Variants in TTLL11 observed in about 807,000 individuals in gnomAD.
The protein encoded by TTLL11 is tubulin polyglutamylase TTLL11.
TTLL11 carries 42 observed loss-of-function variants against 51.7 expected under a neutral mutation model. The ratio of observed to expected loss-of-function variants is 0.81; its 90% CI spans 0.64 to 1.05. The LOEUF is 1.05. TTLL11 is among the 50% of genes least tolerant of loss of function. TTLL11 has a pLI of 0.00. For synonymous variants in TTLL11, 381 were observed against 383.5 expected, an observed-to-expected ratio of 0.99 and a Z score of 0.08; for missense variants, 799 against 940.4, an observed-to-expected ratio of 0.85 and a Z score of 1.97.
At chr9:121,902,346 G>C (rs1839807022) in intron 6 of TTLL11, among the ~76,000 whole-genome samples, 1 of 152,210 alleles carries the variant, frequency 6.6e-6, no homozygotes, top group Non-Finnish European at 1.5e-5. Flanking sequence ...GCACAGGTGT[G>C]CCATGATGGA....
chr9:121,827,517 GAACGCAAAATCA>G (rs1183106881), intron 8 of TTLL11, among the ~76,000 whole-genome samples: 1 of 152,096 alleles, frequency 6.6e-6, no homozygotes, highest in Non-Finnish European at 1.5e-5. Flanking sequence ...AAAAGAAACT[GAACGCAAAATCA>G]AACCAATCAC....
At chr9:121,929,696 A>T (rs1840895689) in intron 6 of TTLL11, among the ~76,000 whole-genome samples, 1 of 152,258 alleles carries the variant, frequency 6.6e-6, no homozygotes, top group African/African-American at 2.4e-5. Flanking sequence ...CCTTAAGGAC[A>T]AAAAGTTGTT....
chr9:122,007,423 C>T (rs1279827019), intron 3 of TTLL11, among the ~76,000 whole-genome samples: 1 of 143,456 alleles, frequency 7.0e-6, no homozygotes, highest in Non-Finnish European at 1.5e-5. Context: ...TGCAGTGAGC[C>T]AAGATCACGC....
At chr9:121,964,682 T>TGCACC (rs1842348375) in intron 6 of TTLL11, among the ~76,000 whole-genome samples, 1 of 152,152 alleles carries the variant, frequency 6.6e-6, no homozygotes, top group African/African-American at 2.4e-5. Flanking sequence ...ATACACTCCA[T>TGCACC]GCACCCATCC....
chr9:122,083,532 C>T (rs187641809), intron 1 of TTLL11, among the ~76,000 whole-genome samples: 2 of 152,166 alleles, frequency 1.3e-5, no homozygotes, highest in African/African-American at 4.8e-5. Flanking sequence ...AAAATCTGGG[C>T]CAGGCACGGT....
chr9:121,854,620 T>C (rs1837759241), intron 8 of TTLL11, among the ~76,000 whole-genome samples: 1 of 152,214 alleles, frequency 6.6e-6, no homozygotes, highest in South Asian at 2.1e-4. Context: ...TGTTTGTCTC[T>C]CACAGCTGAC....
intron 8 of TTLL11, among the ~76,000 whole-genome samples, chr9:121,844,862 C>T (rs1233139479): frequency 6.6e-6 from 1 of 151,596 alleles, no homozygotes; most frequent in East Asian, 1.9e-4. Flanking sequence ...GGAGACTATC[C>T]AGGAACAGTG....
chr9:122,033,360 C>A (rs755168601), intron 2 of TTLL11, among the ~76,000 whole-genome samples: 66 of 151,772 alleles, frequency 4.3e-4, no homozygotes, highest in Non-Finnish European at 4.9e-4. Flanking sequence ...TGATCCACCC[C>A]CCTCGGCCTC....
chr9:121,994,727 G>T (rs1843205537), intron 3 of TTLL11, among the ~76,000 whole-genome samples: 1 of 152,124 alleles, frequency 6.6e-6, no homozygotes, highest in South Asian at 2.1e-4. Flanking sequence ...AAAATGATGG[G>T]GACTCCCTGA....
At chr9:121,930,405 C>T (rs1840919837) in intron 6 of TTLL11, among the ~76,000 whole-genome samples, 1 of 152,218 alleles carries the variant, frequency 6.6e-6, no homozygotes. Context: ...AATCATTTGC[C>T]TGGGGAAAGT....
chr9:121,915,951 C>T (rs974606749), intron 6 of TTLL11, among the ~76,000 whole-genome samples: 1 of 150,218 alleles, frequency 6.7e-6, no homozygotes, highest in Admixed American at 6.7e-5. Flanking sequence ...AGGGTCCATC[C>T]TGAAGAAATA....
intron 8 of TTLL11, among the ~76,000 whole-genome samples, chr9:121,842,129 G>T (rs567995125): frequency 6.6e-6 from 1 of 152,290 alleles, no homozygotes; most frequent in East Asian, 1.9e-4. Context: ...AAAAGAGCAG[G>T]CTGGGGATGT....
chr9:121,965,543 A>G (rs1476849933), intron 6 of TTLL11, among the ~76,000 whole-genome samples: 1 of 152,300 alleles, frequency 6.6e-6, no homozygotes, highest in East Asian at 1.9e-4. Context: ...ATCCGAGATG[A>G]GATTTGGGTA....
At chr9:122,083,801 C>T (rs566411444) in intron 1 of TTLL11, among the ~76,000 whole-genome samples, 2 of 152,020 alleles carry the variant, frequency 1.3e-5, no homozygotes, top group Admixed American at 1.3e-4. Context: ...CAGAGCAAGA[C>T]TCTATCTCGA....
intron 6 of TTLL11, among the ~76,000 whole-genome samples, chr9:121,929,389 G>A (rs953432207): frequency 1.2e-4 from 18 of 150,656 alleles, no homozygotes; most frequent in African/African-American, 1.5e-4. Flanking sequence ...GCAGTGAGCC[G>A]AGATCACACC....
rs553650992 is a variant in TTLL11 at position 121,817,589 on chromosome 9, A to C, written c.*4998T>G. ...TTCCTGGGGTGCTCAGCAGGAGAAC[A>C]GATCAGAGAGCCTCAAGCTAAGTCC... On this transcript the variant is annotated 3_prime_UTR_variant, in exon 9 of 9. Coordinates refer to ENST00000321582, the MANE Select transcript of TTLL11 (RefSeq NM_001139442.2). 6.6e-6 allele frequency: 1 copy of C among 152,404 alleles called. No homozygotes were observed. Among genetic ancestry groups the C allele is most frequent in the South Asian group, 2.1e-4 (1 of 4,824 alleles). 9.4% of individuals were successfully genotyped at this position (152,404 alleles called of 1,614,324 possible).
chr9:122,011,174 C>T (rs1843780896), intron 3 of TTLL11, among the ~76,000 whole-genome samples: 1 of 152,188 alleles, frequency 6.6e-6, no homozygotes, highest in East Asian at 1.9e-4. Context: ...TTGCCTGCCA[C>T]CATGTAAGAT....
intron 8 of TTLL11, among the ~76,000 whole-genome samples, chr9:121,859,329 GA>G (rs5900501): frequency 0.67 from 95,055 of 142,274 alleles, 31,468 homozygotes; most frequent in Middle Eastern, 0.8. Context: ...TGTCTCTACT[GA>G]AAAAAAAAAA....
Position 121,826,483 on chromosome 9 carries a change from ATATATATATATG to A in TTLL11, c.1841-3616_1841-3605del, listed in dbSNP as rs1564260284. Among the ~76,000 whole-genome samples, 248 of 42,814 alleles carry A rather than the reference ATATATATATATG, an allele frequency of 5.8e-3. 4 individuals carry two copies. Among genetic ancestry groups the A allele is most frequent in the African/African-American group, 0.019 (233 of 12,498 alleles). 28.1% of individuals were successfully genotyped at this position (42,814 alleles called of 152,430 possible). Reference sequence around the variant, plus strand: ...TATATGTGTGTATATATATATATGTATATATATATATGTGTGTGTATATATATATATGTATAT... The same window carrying A: ...TATATGTGTGTATATATATATATGTATGTGTGTATATATATATATGTATAT... On this transcript the variant is annotated intron_variant, in intron 8 of 8. Coordinates refer to ENST00000321582, the MANE Select transcript of TTLL11 (RefSeq NM_001139442.2).
Sources: allele counts gnomAD v4.1 joint callset (sites outside exome capture counted in the v4.1 genomes callset), GRCh38; gene constraint gnomAD v4.1.1; transcripts MANE v1.5; gene names NCBI Gene and HGNC (gene_info 2026-07-23, HGNC 2026-07-21).